GMPS: variants seen among roughly 807,000 people sequenced by gnomAD.
GMPS encodes GMP synthase [glutamine-hydrolyzing].
In GMPS, 15 loss-of-function variants were observed where a neutral mutation model predicts 77.9. That is an observed-to-expected ratio of 0.19 (90% CI 0.13 to 0.30). The LOEUF (loss-of-function observed/expected upper bound fraction) is 0.30, where lower values mean the gene tolerates loss of function less well. Among genes scored for constraint, GMPS ranks in the 10% least tolerant of loss-of-function variants. The probability of loss-of-function intolerance (pLI) is 1.00; values close to 1 mark genes in which losing one functional copy is unlikely to be tolerated. For missense variants in GMPS, 590 were observed against 838.8 expected, an observed-to-expected ratio of 0.70 and a Z score of 3.66; for synonymous variants, 224 against 275.9, an observed-to-expected ratio of 0.81 and a Z score of 1.86.
intron 1 of GMPS, among the ~76,000 whole-genome samples, chr3:155,893,143 T>C (rs62286835): frequency 6.6e-6 from 1 of 152,122 alleles, no homozygotes. Flanking sequence ...TGGGACACTT[T>C]GAGATTGAAA....
At chr3:155,870,221 C>G (rs1419236076), upstream of GMPS, among the ~76,000 whole-genome samples, 1 of 152,278 alleles carries the variant, frequency 6.6e-6, no homozygotes. Flanking sequence ...GATAAGGCCA[C>G]GCCACCGGCT....
chr3:155,889,986 A>G (rs1484617081), intron 1 of GMPS, among the ~76,000 whole-genome samples: 2 of 152,026 alleles, frequency 1.3e-5, no homozygotes, highest in Non-Finnish European at 2.9e-5. Context: ...TCTCATTAGG[A>G]TGGTTTTTCT....
chr3:155,871,736 G>A (rs907731351), intron 1 of GMPS, among the ~76,000 whole-genome samples: 6 of 152,250 alleles, frequency 3.9e-5, no homozygotes, highest in Non-Finnish European at 8.8e-5. Flanking sequence ...CTCGCCCGAG[G>A]CCTGGGCAGT....
chr3:155,904,834 G>T (rs1754830942), intron 4 of GMPS, among the ~76,000 whole-genome samples: 1 of 151,992 alleles, frequency 6.6e-6, no homozygotes, highest in African/African-American at 2.4e-5. Context: ...GTTAAGATTT[G>T]ACATTTTTCT....
chr3:155,873,694 G>A (rs1402282419), intron 1 of GMPS, among the ~76,000 whole-genome samples: 1 of 139,030 alleles, frequency 7.2e-6, no homozygotes, highest in African/African-American at 2.9e-5. Context: ...GAGTGCAGTG[G>A]TGTGATCTCG....
In GMPS at chr3:155,916,164, C is replaced by T; in HGVS notation, c.1184C>T (p.Thr395Ile). ...CTCATCAAAACCCATCACAATGACA[C>T]AGAGCTCATCAGAAAGTTGAGAGAG... ...AELIKTHHND[T>I]ELIRKLREEG... Residue 395 changes from threonine to isoleucine, a missense_variant, in exon 9 of 16, where the codon ACA (threonine) becomes ATA (isoleucine). Thr to Ile is a moderately conservative substitution (Grantham distance 89). Around this residue, in one of 6 missense-constraint regions of GMPS, gnomAD observed 64 missense variants for 114.5 expected, o/e 0.56. Coordinates refer to ENST00000496455, the MANE Select transcript of GMPS (RefSeq NM_003875.3). 4 of 1,610,540 alleles carry T rather than the reference C, an allele frequency of 2.5e-6. No individual in the cohort carries two copies. Among genetic ancestry groups the T allele is most frequent in the Non-Finnish European group, 2.5e-6 (3 of 1,178,766 alleles).
intron 2 of GMPS, among the ~76,000 whole-genome samples, chr3:155,896,216 A>G (rs1334797082): frequency 3.3e-5 from 5 of 151,898 alleles, no homozygotes; most frequent in Non-Finnish European, 7.4e-5. Flanking sequence ...TTGCCATGTT[A>G]GCCAGGATGG....
rs1219008330 is a variant in GMPS at position 155,942,780 on chromosome 3, ACT to A, written c.*5091_*5092del. On this transcript the variant is annotated 3_prime_UTR_variant, in exon 16 of 16. Coordinates refer to ENST00000496455, the MANE Select transcript of GMPS (RefSeq NM_003875.3). ...TGCTATAGCCACCGCTCCAATTCTGACTCTAGCTAGGTCATGAAACAGACTGA... is the reference window on the plus strand; with the variant it reads ...TGCTATAGCCACCGCTCCAATTCTGACTAGCTAGGTCATGAAACAGACTGA... The A allele has an allele frequency of 8.9e-6, 2 of 223,838 alleles. No individual in the cohort carries two copies. Among genetic ancestry groups the A allele is most frequent in the African/African-American group, 4.5e-5 (2 of 44,774 alleles). 13.9% of individuals were successfully genotyped at this position (223,838 alleles called of 1,614,324 possible).
At position 155,943,537 on chromosome 3, in the gene GMPS, A is replaced by C. The variant is rs1331808578; in HGVS notation, c.*5845A>C. 5.6e-6 allele frequency: 1 copy of C among 178,794 alleles called. No individual in the cohort carries two copies. Among genetic ancestry groups the C allele is most frequent in the Non-Finnish European group, 1.2e-5 (1 of 83,302 alleles). The allele number at this position is 178,794 out of a possible 1,614,324, so 11.1% of individuals were successfully genotyped here. A position where few individuals can be genotyped will look rare whatever the true frequency, so the allele number is the denominator to read the frequency against. ...GAAGTGAATGTAAACCTCCTTTTGA[A>C]CATATTTTTTATAAAGAAATATTTT... On this transcript the variant is annotated 3_prime_UTR_variant, in exon 16 of 16. Transcript: ENST00000496455.
At chr3:155,929,571 G>A (rs12386360) in intron 12 of GMPS, among the ~76,000 whole-genome samples, 2 of 147,618 alleles carry the variant, frequency 1.4e-5, no homozygotes, top group African/African-American at 5.0e-5. Flanking sequence ...AGGAAGTCAA[G>A]TTGTCCCTGT....
At chr3:155,919,048 C>G (rs374654799) in intron 9 of GMPS, among the ~76,000 whole-genome samples, 185 bp from the exon 10 acceptor site, 23 of 152,118 alleles carry the variant, frequency 1.5e-4, no homozygotes, top group African/African-American at 5.1e-4. Context: ...GAAATAATAC[C>G]CATAAGATAT....
chr3:155,892,358 T>C (rs1350016099), intron 1 of GMPS, among the ~76,000 whole-genome samples: 3 of 152,018 alleles, frequency 2.0e-5, no homozygotes, highest in East Asian at 1.9e-4. Flanking sequence ...ATTTAAAATA[T>C]ACAAACAAAC....
At chr3:155,917,538 T>C (rs959483171) in intron 9 of GMPS, among the ~76,000 whole-genome samples, 4 of 152,202 alleles carry the variant, frequency 2.6e-5, no homozygotes, top group Non-Finnish European at 5.9e-5. Context: ...ATAATGTCCT[T>C]AAGGTTCATT....
chr3:155,905,761 G>C (rs1754865578), intron 4 of GMPS, among the ~76,000 whole-genome samples: 1 of 152,158 alleles, frequency 6.6e-6, no homozygotes, highest in Non-Finnish European at 1.5e-5. Flanking sequence ...TCAGTACTAA[G>C]TCCTATTACT....
chr3:155,886,611 CTTTTT>C (rs58367815), intron 1 of GMPS, among the ~76,000 whole-genome samples: 10 of 78,052 alleles, frequency 1.3e-4, no homozygotes, highest in African/African-American at 3.8e-4. Context: ...TTCCTGATGA[CTTTTT>C]TTTTTTTTTT....
chr3:155,935,222 C>T (rs942898971), intron 14 of GMPS, among the ~76,000 whole-genome samples, 176 bp downstream of exon 14: 2 of 152,120 alleles, frequency 1.3e-5, no homozygotes, highest in African/African-American at 4.8e-5. Context: ...CTTGCTCTGT[C>T]GCCCAGGCTG....
intron 1 of GMPS, among the ~76,000 whole-genome samples, chr3:155,873,552 G>C (rs1753951945): frequency 6.6e-6 from 1 of 150,480 alleles, no homozygotes; most frequent in Non-Finnish European, 1.5e-5. Flanking sequence ...GTGAGCCACT[G>C]TGCCTGGCCA....
chr3:155,897,202 C>CA (rs1337562401), intron 2 of GMPS, among the ~76,000 whole-genome samples: 2 of 152,088 alleles, frequency 1.3e-5, no homozygotes, highest in African/African-American at 4.8e-5. Context: ...AGTGAATACT[C>CA]ATGGCCAGTG....
chr3:155,913,626 A>G (rs1755094800), intron 7 of GMPS, among the ~76,000 whole-genome samples: 3 of 151,782 alleles, frequency 2.0e-5, no homozygotes, highest in Admixed American at 6.6e-5. Flanking sequence ...GGTTTAAGCA[A>G]TTCTCTTGCC....
Sources: gnomAD v4.1 joint callset for allele counts (sites outside exome capture counted in the v4.1 genomes callset) on GRCh38, gnomAD v4.1.1 for gene constraint, gnomAD v4.1.1 regional missense constraint, MANE v1.5 for transcripts, NCBI Gene and HGNC (gene_info 2026-07-23, HGNC 2026-07-21) for gene names.